The following DAB1 variants were observed in gnomAD, a reference collection of about 807,000 sequenced individuals.
The protein encoded by DAB1 is DAB adaptor protein 1.
Under a neutral mutation model 64.6 loss-of-function variants are expected in DAB1, and 15 were observed. The ratio of observed to expected loss-of-function variants is 0.23; its 90% CI spans 0.16 to 0.36. The LOEUF is 0.36. DAB1 is among the 10% of genes least tolerant of loss of function. The pLI is 1.00. For missense variants in DAB1, 596 were observed against 706.7 expected (o/e 0.84, Z 1.78); for synonymous variants, 235 against 251.9 (o/e 0.93, Z 0.64).
In DAB1 at chr1:58,227,619, C is replaced by T. The variant is rs544548473; in HGVS notation, n.310-77031G>A. On this transcript the variant is annotated intron_variant and non_coding_transcript_variant, in intron 4 of 20. Transcript: ENST00000485760. ...TGCCAAAGCTACAATAAGAAAGTCA[C>T]GAAAGTTAGGGGAGAGACAATAGAC... Among the ~76,000 whole-genome samples the T allele has an allele frequency of 4.6e-5, 7 of 152,152 alleles. No individual in the cohort carries two copies. The South Asian group carries it at 6.2e-4, about 14-fold the overall frequency.
chr1:57,426,426 TAAAG>T (rs1239616263), upstream of DAB1, among the ~76,000 whole-genome samples: 1 of 152,180 alleles, frequency 6.6e-6, no homozygotes, highest in East Asian at 1.9e-4. Flanking sequence ...AACCAAATCT[TAAAG>T]GAACATTTTA....
At chr1:57,023,368 C>T (rs1646681670) in intron 11 of DAB1, among the ~76,000 whole-genome samples, 163 bp downstream of exon 11, 1 of 152,180 alleles carries the variant, frequency 6.6e-6, no homozygotes, top group South Asian at 2.1e-4. Flanking sequence ...AGCTCTGGAC[C>T]CCAACACCAC....
chr1:57,883,054 C>T (rs1644169347), intron 1 of DAB1, among the ~76,000 whole-genome samples: 1 of 152,154 alleles, frequency 6.6e-6, no homozygotes, highest in African/African-American at 2.4e-5. Flanking sequence ...TGTGAACTTC[C>T]ATTGCAACTC....
At chr1:57,497,538 T>C (rs2101301919) in intron 7 of DAB1, among the ~76,000 whole-genome samples, 2 of 152,320 alleles carry the variant, frequency 1.3e-5, no homozygotes, top group South Asian at 4.1e-4. Context: ...TACAGAATTA[T>C]ATGGTGCCAG....
At chr1:57,647,032 T>C (rs1304795362) in intron 7 of DAB1, among the ~76,000 whole-genome samples, 1 of 152,148 alleles carries the variant, frequency 6.6e-6, no homozygotes, top group South Asian at 2.1e-4. Context: ...TGGGGAGGGA[T>C]CGTATCCTTC....
chr1:58,307,952 G>A lies in DAB1; in HGVS notation n.309+35400C>T, dbSNP rs562206487. Among the ~76,000 whole-genome samples the A allele has an allele frequency of 1.1e-4, 17 of 152,174 alleles. No homozygotes were observed. In the South Asian group the frequency reaches 2.1e-3, roughly 19 times the overall value. ...CTTTGGGGACACAGGAGGCCATCAC[G>A]GAGAGGTCCACAGAGGCAATGGCAC... On this transcript the variant is annotated intron_variant and non_coding_transcript_variant, in intron 4 of 20. Transcript: ENST00000485760.
intron 5 of DAB1, among the ~76,000 whole-genome samples, chr1:57,962,771 G>C (rs1225020197): frequency 1.3e-5 from 2 of 151,490 alleles, no homozygotes; most frequent in African/African-American, 4.9e-5. Context: ...TACTTGGGAG[G>C]CTGAGGTGGG....
chr1:57,620,628 G>C (rs1645845893), intron 7 of DAB1, among the ~76,000 whole-genome samples: 1 of 152,196 alleles, frequency 6.6e-6, no homozygotes, highest in African/African-American at 2.4e-5. Flanking sequence ...CCAACATGTG[G>C]CACAGTGCCA....
chr1:57,028,663 T>G (rs910138513), intron 9 of DAB1, among the ~76,000 whole-genome samples: 1 of 152,154 alleles, frequency 6.6e-6, no homozygotes, highest in Non-Finnish European at 1.5e-5. Flanking sequence ...TGGTCTCAGA[T>G]AGAGATGAGG....
At chr1:57,054,603 G>A (rs975420794) in intron 9 of DAB1, among the ~76,000 whole-genome samples, 11 of 147,976 alleles carry the variant, frequency 7.4e-5, no homozygotes, top group Admixed American at 2.7e-4. Context: ...TCAGCCTCCC[G>A]AGTAGCTGGG....
chr1:57,103,816 A>T (rs479075), intron 4 of DAB1, among the ~76,000 whole-genome samples: 122,337 of 152,104 alleles, frequency 0.8, 49,382 homozygotes, highest in East Asian at 0.98. Flanking sequence ...AAATGGGGAC[A>T]GAAGGACTAA....
intron 7 of DAB1, among the ~76,000 whole-genome samples, chr1:57,546,282 T>C (rs949149103): frequency 6.6e-6 from 1 of 152,158 alleles, no homozygotes; most frequent in African/African-American, 2.4e-5. Flanking sequence ...TGTTAAAGCA[T>C]TGTGTATAAA....
intron 7 of DAB1, among the ~76,000 whole-genome samples, chr1:57,543,884 A>G (rs1464611620): frequency 6.6e-6 from 1 of 152,198 alleles, no homozygotes; most frequent in Admixed American, 6.5e-5. Flanking sequence ...CAGAGGATTG[A>G]TTGCTTGAGG....
intron 2 of DAB1, among the ~76,000 whole-genome samples, chr1:57,178,691 C>T (rs958153605): frequency 6.6e-6 from 1 of 151,986 alleles, no homozygotes; most frequent in Non-Finnish European, 1.5e-5. Context: ...GTTATAATGC[C>T]TTGATGTGGG....
chr1:57,495,335 A>T (rs1339702882), intron 7 of DAB1, among the ~76,000 whole-genome samples: 1 of 152,312 alleles, frequency 6.6e-6, no homozygotes, highest in Admixed American at 6.5e-5. Flanking sequence ...TTTGTTTCCT[A>T]CTTAGTAAGA....
At chr1:57,445,124 A>G (rs72676915) in intron 7 of DAB1, among the ~76,000 whole-genome samples, 1,804 of 152,256 alleles carry the variant, frequency 0.012, 13 homozygotes, top group Non-Finnish European at 0.019. Flanking sequence ...ATGGGTATAA[A>G]ATATTTTTAG....
rs200031679 is a variant in DAB1 at position 57,550,427 on chromosome 1, C to G, written n.625+99165G>C. 3.5e-4 allele frequency among the ~76,000 whole-genome samples: 53 copies of G among 152,260 alleles called. No individual in the cohort carries two copies. In the East Asian group the frequency reaches 6.0e-3, roughly 17 times the overall value. On this transcript the variant is annotated intron_variant and non_coding_transcript_variant, in intron 7 of 20. Coordinates refer to the DAB1 transcript ENST00000485760. ...ACCATTTGTTGCTAAATTACAGTTT[C>G]AACTGTAGCTCTCACTGACCTTTTA... is the stretch of plus-strand genomic sequence containing the variant.
chr1:57,112,290 C>A (rs545960490), intron 4 of DAB1, among the ~76,000 whole-genome samples: 1 of 152,308 alleles, frequency 6.6e-6, no homozygotes, highest in South Asian at 2.1e-4. Flanking sequence ...GCTGCAGTTA[C>A]TCCCACTGTG....
chr1:58,389,800 G>T (rs1003424296), intron 3 of DAB1, among the ~76,000 whole-genome samples: 6 of 152,182 alleles, frequency 3.9e-5, no homozygotes, highest in Non-Finnish European at 8.8e-5. Context: ...GAGAGAAGGA[G>T]CTGGTTACAG....
Sources: allele counts gnomAD v4.1 joint callset (sites outside exome capture counted in the v4.1 genomes callset), GRCh38; gene constraint gnomAD v4.1.1; transcripts MANE v1.5; gene names NCBI Gene and HGNC (gene_info 2026-07-23, HGNC 2026-07-21).